The following LCN12 variants were observed in gnomAD, a reference collection of about 807,000 sequenced individuals.
The protein encoded by LCN12 is epididymal-specific lipocalin-12.
LCN12 carries 15 observed loss-of-function variants against 23.7 expected under a neutral mutation model. The ratio of observed to expected loss-of-function variants is 0.63; its 90% CI spans 0.42 to 0.97. The LOEUF (loss-of-function observed/expected upper bound fraction) is 0.97. LCN12 is among the 50% of genes least tolerant of loss of function. The pLI is 0.00. For synonymous variants in LCN12, 116 were observed against 111.5 expected (o/e 1.04, Z -0.25); for missense variants, 219 against 249.6 (o/e 0.88, Z 0.83).
chr9:136,949,398 G>A (rs976035834), upstream of LCN12, among the ~76,000 whole-genome samples: 3 of 152,210 alleles, frequency 2.0e-5, no homozygotes, highest in Non-Finnish European at 4.4e-5. Flanking sequence ...CACAGGCAGG[G>A]CCGACAGGCA....
At position 136,953,980 on chromosome 9, in the gene LCN12, C is replaced by A; in HGVS notation, c.448+16C>A. On this transcript the variant is annotated intron_variant, in intron 4 of 5. Coordinates refer to ENST00000371633, the MANE Select transcript of LCN12 (RefSeq NM_178536.4). The stretch of plus-strand genomic sequence containing the variant: ...AGCCTGCTGGGTGAGCCTCCCACCC[C>A]GTCCTGGGCCCGTGTGTGGCCCTGG... 1 of 1,605,066 alleles carries A rather than the reference C, an allele frequency of 6.2e-7. No individual in the cohort carries two copies. The highest frequency in any genetic ancestry group is 1.1e-5 in the South Asian group (1 of 90,532).
Position 136,954,941 on chromosome 9 carries a change from C to T in LCN12, c.551-430C>T, listed in dbSNP as rs547036563. 179 of 1,253,804 alleles carry T rather than the reference C, an allele frequency of 1.4e-4. 1 individual carries two copies. In the African/African-American group the frequency reaches 1.9e-3, roughly 13 times the overall value. The allele number at this position is 1,253,804 out of a possible 1,614,324, so 77.7% of individuals were successfully genotyped here. A position where few individuals can be genotyped will look rare whatever the true frequency, so the allele number is the denominator to read the frequency against. On this transcript the variant is annotated intron_variant, in intron 5 of 5. Coordinates refer to ENST00000371633, the MANE Select transcript of LCN12 (RefSeq NM_178536.4). ...GCACACACACTCACGCATGAGCAAA[C>T]GTGTACAGACTGGCACATGCCTCCA...
chr9:136,954,986 A>G, intron 5 of LCN12: 1 of 1,326,492 alleles, frequency 7.5e-7, no homozygotes, highest in Non-Finnish European at 9.7e-7. Flanking sequence ...ACCCACTTAC[A>G]CACACGCCAC....
Position 136,952,990 on chromosome 9 carries a change from T to G in LCN12, c.213T>G (p.Ser71Arg). The G allele has an allele frequency of 1.2e-6, 2 of 1,613,942 alleles. No individual in the cohort carries two copies. Among genetic ancestry groups the G allele is most frequent in the South Asian group, 2.2e-5 (2 of 91,070 alleles). The change falls in exon 2 of 6, where the codon AGT (serine) becomes AGG (arginine). Residue 71 changes from serine to arginine, a missense_variant. Ser to Arg is a moderately radical substitution (Grantham distance 110). Transcript: ENST00000371633. ...CTTTCACCGCAACTTTTGAGCTAAG[T>G]GATGATGGCCGCTTTGAGGTGTGGA... Reference protein sequence around the residue: ...LNAFTATFELSDDGRFEVWNA... With the variant: ...LNAFTATFELRDDGRFEVWNA...
chr9:136,954,655 G>T, intron 5 of LCN12: 2 of 1,183,666 alleles, frequency 1.7e-6, no homozygotes, highest in Non-Finnish European at 1.1e-6. Context: ...CCTCCCTCTG[G>T]GTCCCCTGTC....
At chr9:136,954,660 C>G (rs1851278293) in intron 5 of LCN12, 1 of 1,224,760 alleles carries the variant, frequency 8.2e-7, no homozygotes, top group African/African-American at 1.5e-5. Context: ...CTCTGGGTCC[C>G]CTGTCCTGGG....
chr9:136,952,806 C>CTGCCAGGGAGGGCGGGG, intron 1 of LCN12, 86 bp from the exon 2 acceptor site: 1 of 1,490,852 alleles, frequency 6.7e-7, no homozygotes, highest in African/African-American at 1.4e-5. Context: ...GGTCCAGAAG[C>CTGCCAGGGAGGGCGGGG]TGCCAGGGAG....
intron 5 of LCN12, chr9:136,954,569 G>T (rs1268106921): frequency 1.0e-5 from 4 of 394,838 alleles, no homozygotes; most frequent in African/African-American, 2.8e-5. Flanking sequence ...CCCTGTCCCG[G>T]CCCACCTCCT....
chr9:136,954,108 C>A, intron 4 of LCN12, 46 bp from the exon 5 acceptor site: 1 of 1,517,578 alleles, frequency 6.6e-7, no homozygotes, highest in South Asian at 1.3e-5. Context: ...CAGCCCCCAA[C>A]CCCCTGCCAA....
chr9:136,955,550 G>A, downstream of LCN12: 10 of 750,146 alleles, frequency 1.3e-5, no homozygotes, highest in Non-Finnish European at 1.9e-5. Context: ...ACAGGAGCAA[G>A]GCGACCGCTG....
At chr9:136,950,273 G>C (rs147131369), upstream of LCN12, among the ~76,000 whole-genome samples, 1,605 of 152,352 alleles carry the variant, frequency 0.011, 13 homozygotes, top group Non-Finnish European at 0.016. Flanking sequence ...GGGGGGCACA[G>C]AGGTTAACGG....
At position 136,953,981 on chromosome 9, in the gene LCN12, G is replaced by A. The variant is rs749704570; in HGVS notation, c.448+17G>A. On this transcript the variant is annotated intron_variant, in intron 4 of 5. Coordinates refer to ENST00000371633, the MANE Select transcript of LCN12 (RefSeq NM_178536.4). Reference sequence around the variant, plus strand: ...GCCTGCTGGGTGAGCCTCCCACCCCGTCCTGGGCCCGTGTGTGGCCCTGGA... The same window carrying A: ...GCCTGCTGGGTGAGCCTCCCACCCCATCCTGGGCCCGTGTGTGGCCCTGGA... The A allele has an allele frequency of 1.4e-5, 23 of 1,604,908 alleles. No individual in the cohort carries two copies. The Admixed American group carries it at 1.8e-4, about 13-fold the overall frequency.
At chr9:136,951,791 C>T (rs904825837), upstream of LCN12, among the ~76,000 whole-genome samples, 5 of 151,404 alleles carry the variant, frequency 3.3e-5, no homozygotes, top group Admixed American at 1.3e-4. Flanking sequence ...TCCAGGGCCA[C>T]GGCCCACGCT....
At chr9:136,952,623 A>G in intron 1 of LCN12, 182 bp downstream of exon 1, 6 of 631,648 alleles carry the variant, frequency 9.5e-6, no homozygotes, top group African/African-American at 1.8e-5. Context: ...CCTGGCACCC[A>G]TTCCCTGCCG....
chr9:136,954,961 C>A, intron 5 of LCN12: 1 of 1,283,440 alleles, frequency 7.8e-7, no homozygotes, highest in Non-Finnish European at 1.0e-6. Flanking sequence ...CTGGCACATG[C>A]CTCCACATGC....
chr9:136,951,604 T>G (rs561631802), upstream of LCN12, among the ~76,000 whole-genome samples: 2 of 152,284 alleles, frequency 1.3e-5, no homozygotes, highest in East Asian at 3.9e-4. Flanking sequence ...CCACTCCCAT[T>G]AGTGGGGCTT....
rs1416953022 is a variant in LCN12 at position 136,954,538 on chromosome 9, C to T, written c.550+283C>T. Reference sequence around the variant, plus strand: ...GTCCCCTGTCCCGGGCCACCTCCCCCTGCCCCTCCCGCCCCAGGTCCCCTG... The same window carrying T: ...GTCCCCTGTCCCGGGCCACCTCCCCTTGCCCCTCCCGCCCCAGGTCCCCTG... On this transcript the variant is annotated intron_variant, in intron 5 of 5. Coordinates refer to ENST00000371633, the MANE Select transcript of LCN12 (RefSeq NM_178536.4). 1.9e-5 allele frequency: 9 copies of T among 480,988 alleles called. No individual in the cohort carries two copies. The Admixed American group carries it at 2.0e-4, about 11-fold the overall frequency. The allele number at this position is 480,988 out of a possible 1,614,324, so 29.8% of individuals were successfully genotyped here.
rs1001985879 is a variant in LCN12, at chr9:136,955,386, C to T, written c.566C>T (p.Ala189Val). 1 of 1,613,372 alleles carries T rather than the reference C, an allele frequency of 6.2e-7. No homozygotes were observed. Among genetic ancestry groups the T allele is most frequent in the South Asian group, 1.1e-5 (1 of 91,038 alleles). ...CCCCCACCAGGCTGGTCACCCCAGG[C>T]CAGCGTCTGTTGAAGGATGAAGCAG... ...FPDVTGWSPQ[A>V]SVC Residue 189 changes from alanine to valine, a missense_variant, in exon 6 of 6, where the codon GCC becomes GTC. Ala to Val is a moderately conservative substitution (Grantham distance 64). Coordinates refer to ENST00000371633, the MANE Select transcript of LCN12 (RefSeq NM_178536.4).
At chr9:136,955,241 G>C (rs1851296081) in intron 5 of LCN12, 130 bp from the exon 6 acceptor site, 2 of 1,479,344 alleles carry the variant, frequency 1.4e-6, no homozygotes, top group African/African-American at 1.4e-5. Context: ...ACCCACTGCT[G>C]GTCCCCTTTC....
Sources: allele counts gnomAD v4.1 joint callset (sites outside exome capture counted in the v4.1 genomes callset), GRCh38; gene constraint gnomAD v4.1.1; transcripts MANE v1.5; gene names NCBI Gene and HGNC (gene_info 2026-07-23, HGNC 2026-07-21).